Variants in NTNG1 observed in about 807,000 individuals in gnomAD.
The protein encoded by NTNG1 is netrin G1, also known as netrin-G1.
NTNG1 carries 16 observed loss-of-function variants against 54.0 expected under a neutral mutation model. The observed-to-expected ratio is 0.30, with a 90% CI of 0.20 to 0.45. The LOEUF is 0.45. NTNG1 is among the 20% of genes least tolerant of loss of function. NTNG1 has a pLI of 1.00. For synonymous variants in NTNG1, 255 were observed against 263.1 expected (o/e 0.97, Z 0.30); for missense variants, 530 against 678.7 (o/e 0.78, Z 2.43).
chr1:107,163,070 G>A (rs1451255644), intron 2 of NTNG1, among the ~76,000 whole-genome samples: 1 of 152,248 alleles, frequency 6.6e-6, no homozygotes, highest in East Asian at 1.9e-4. Context: ...GTTTGTTCAG[G>A]GGGAATTGGA....
At chr1:107,336,202 T>C (rs1268268152) in intron 3 of NTNG1, among the ~76,000 whole-genome samples, 2 of 151,324 alleles carry the variant, frequency 1.3e-5, no homozygotes, top group East Asian at 3.9e-4. Flanking sequence ...TTTTTTTAAT[T>C]TCAAAACTTA....
chr1:107,196,028 T>G (rs1455729590), intron 2 of NTNG1, among the ~76,000 whole-genome samples: 7 of 151,988 alleles, frequency 4.6e-5, no homozygotes, highest in Admixed American at 4.6e-4. Flanking sequence ...TTTTGTACTA[T>G]TTGCTTTTGT....
At chr1:107,479,906 A>G (rs1177092550) in intron 7 of NTNG1, among the ~76,000 whole-genome samples, 3 of 152,208 alleles carry the variant, frequency 2.0e-5, no homozygotes, top group African/African-American at 7.2e-5. Flanking sequence ...ATTCCCGGAA[A>G]TCAAGGTAAC....
intron 7 of NTNG1, among the ~76,000 whole-genome samples, chr1:107,463,801 C>CCTTATTT (rs1243282483): frequency 6.6e-6 from 1 of 151,874 alleles, no homozygotes; most frequent in African/African-American, 2.4e-5. Flanking sequence ...AAATTATAGT[C>CCTTATTT]CTTATTTCTT....
intron 2 of NTNG1, among the ~76,000 whole-genome samples, chr1:107,182,014 T>C (rs1364170264): frequency 6.6e-6 from 1 of 152,102 alleles, no homozygotes; most frequent in Non-Finnish European, 1.5e-5. Context: ...TTGATTCCTC[T>C]CCTGTACCAT....
chr1:107,429,004 A>C (rs1675083283), intron 5 of NTNG1, among the ~76,000 whole-genome samples: 1 of 150,516 alleles, frequency 6.6e-6, no homozygotes, highest in African/African-American at 2.4e-5. Context: ...TTCTCCCAGT[A>C]CTCTCCCTCT....
intron 3 of NTNG1, among the ~76,000 whole-genome samples, chr1:107,388,263 A>T (rs1011940370): frequency 2.2e-4 from 33 of 152,326 alleles, no homozygotes; most frequent in African/African-American, 7.9e-4. Context: ...TTTGTGTCAG[A>T]TACTATCTTA....
At chr1:107,443,943 A>G (rs1676142296) in intron 7 of NTNG1, among the ~76,000 whole-genome samples, 1 of 152,152 alleles carries the variant, frequency 6.6e-6, no homozygotes, top group South Asian at 2.1e-4. Flanking sequence ...TAAGGGTGGG[A>G]AGGAAGTGCT....
intron 3 of NTNG1, among the ~76,000 whole-genome samples, chr1:107,356,897 G>A (rs1669966394): frequency 6.6e-6 from 1 of 152,070 alleles, no homozygotes; most frequent in Admixed American, 6.6e-5. Flanking sequence ...TAGCTACTCG[G>A]GAGGTTGAGG....
At chr1:107,219,276 T>C (rs1481571752) in intron 2 of NTNG1, among the ~76,000 whole-genome samples, 1 of 152,164 alleles carries the variant, frequency 6.6e-6, no homozygotes, top group Admixed American at 6.5e-5. Flanking sequence ...GATTGTTTTA[T>C]ATTTATCCTC....
intron 2 of NTNG1, among the ~76,000 whole-genome samples, chr1:107,215,693 A>T (rs189615154): frequency 3.9e-5 from 6 of 152,172 alleles, no homozygotes; most frequent in Admixed American, 3.3e-4. Context: ...TGATATTTTG[A>T]TGAGAATTGC....
intron 3 of NTNG1, among the ~76,000 whole-genome samples, chr1:107,382,725 C>A (rs766463449): frequency 1.8e-4 from 27 of 152,042 alleles, no homozygotes; most frequent in Non-Finnish European, 3.5e-4. Context: ...GATCAGATTC[C>A]TTTGGTGGGC....
chr1:107,311,331 G>A (rs571460940), intron 2 of NTNG1, among the ~76,000 whole-genome samples: 35 of 152,270 alleles, frequency 2.3e-4, no homozygotes, highest in Non-Finnish European at 3.8e-4. Context: ...ATTAGGGAAA[G>A]AGATGGTCAG....
intron 2 of NTNG1, among the ~76,000 whole-genome samples, chr1:107,262,944 T>A (rs1663453682): frequency 6.6e-6 from 1 of 152,158 alleles, no homozygotes; most frequent in African/African-American, 2.4e-5. Flanking sequence ...ATGACTGAAT[T>A]GAGAAATCAG....
chr1:107,168,785 C>T (rs1405294098), intron 2 of NTNG1, among the ~76,000 whole-genome samples: 1 of 152,080 alleles, frequency 6.6e-6, no homozygotes, highest in African/African-American at 2.4e-5. Context: ...CATAGCAAAA[C>T]AAAATCTGCA....
At chr1:107,463,211 C>G (rs1677388476) in intron 7 of NTNG1, among the ~76,000 whole-genome samples, 1 of 152,240 alleles carries the variant, frequency 6.6e-6, no homozygotes, top group South Asian at 2.1e-4. Context: ...AAGTACTCAT[C>G]ATCAACATGA....
chr1:107,347,341 C>G lies in NTNG1; in HGVS notation c.887+22419C>G, dbSNP rs575242338. On this transcript the variant is annotated intron_variant, in intron 3 of 7. Transcript: ENST00000370068. ...TCAGATAGGCAATATAATGAGACCCCCGTATCTAGAAAACATTAGAAAAAT... is the reference window on the plus strand; with the variant it reads ...TCAGATAGGCAATATAATGAGACCCGCGTATCTAGAAAACATTAGAAAAAT... Among the ~76,000 whole-genome samples the G allele has an allele frequency of 3.7e-4, 56 of 152,102 alleles. No homozygotes were observed. The South Asian group carries it at 3.7e-3, about 10-fold the overall frequency.
intron 2 of NTNG1, among the ~76,000 whole-genome samples, chr1:107,258,310 T>G (rs541770634): frequency 7.2e-5 from 11 of 151,908 alleles, no homozygotes; most frequent in African/African-American, 1.7e-4. Context: ...CCCATGATAT[T>G]AGTAAAACTA....
intron 2 of NTNG1, among the ~76,000 whole-genome samples, chr1:107,199,726 G>A (rs1224761634): frequency 2.0e-5 from 3 of 151,756 alleles, no homozygotes; most frequent in South Asian, 2.1e-4. Flanking sequence ...TCCTCCTCTC[G>A]CGTAGATACT....
Sources: allele counts gnomAD v4.1 joint callset (sites outside exome capture counted in the v4.1 genomes callset), GRCh38; gene constraint gnomAD v4.1.1; transcripts MANE v1.5; gene names NCBI Gene and HGNC (gene_info 2026-07-23, HGNC 2026-07-21).